IQANK1: variants seen among roughly 807,000 people sequenced by gnomAD.
IQANK1 encodes IQ motif and ankyrin repeat containing 1, also known as IQ motif and ankyrin repeat domain-containing protein 1.
A neutral mutation model predicts 22.6 loss-of-function variants in IQANK1; 30 were observed. That is an observed-to-expected ratio of 1.33 (90% CI 0.99 to 1.80). The LOEUF (loss-of-function observed/expected upper bound fraction) is 1.80. Among genes scored for constraint, IQANK1 ranks in the 40% most tolerant of loss-of-function variants. The pLI is 0.00. For synonymous variants in IQANK1, 122 were observed against 99.6 expected, an observed-to-expected ratio of 1.23 and a Z score of -1.34; for missense variants, 275 against 235.2, an observed-to-expected ratio of 1.17 and a Z score of -1.11.
At chr8:143,761,938 G>A (rs1819405027) in intron 3 of IQANK1, among the ~76,000 whole-genome samples, 1 of 151,954 alleles carries the variant, frequency 6.6e-6, no homozygotes, top group African/African-American at 2.4e-5. Flanking sequence ...AGGAGAGTGG[G>A]ATAGATATTG....
At chr8:143,778,516 A>G (rs1819733995) in intron 7 of IQANK1, among the ~76,000 whole-genome samples, 1 of 152,178 alleles carries the variant, frequency 6.6e-6, no homozygotes, top group African/African-American at 2.4e-5. Context: ...AGCAAAAACT[A>G]TGAGAACTAC....
rs190023806 is a variant in IQANK1 at position 143,751,073 on chromosome 8, C to T, written c.175+11125C>T. Reference sequence around the variant, plus strand: ...GGTTTACATTTAACACCCTAAAGTTCTAACTCTCCAATTTGAATTTATACC... The same window carrying T: ...GGTTTACATTTAACACCCTAAAGTTTTAACTCTCCAATTTGAATTTATACC... On this transcript the variant is annotated intron_variant, in intron 3 of 13. Transcript: ENST00000527139. Among the ~76,000 whole-genome samples, 13 of 152,048 alleles carry T rather than the reference C, an allele frequency of 8.5e-5. No individual in the cohort carries two copies. In the East Asian group the frequency reaches 2.5e-3, roughly 30 times the overall value.
chr8:143,769,142 AGCATTG>A (rs1819528833), intron 3 of IQANK1, among the ~76,000 whole-genome samples: 1 of 151,768 alleles, frequency 6.6e-6, no homozygotes, highest in East Asian at 1.9e-4. Context: ...GGCTCACTGC[AGCATTG>A]ACCTGGGCTC....
chr8:143,782,971 T>A (rs7828225), intron 7 of IQANK1, among the ~76,000 whole-genome samples: 6,143 of 152,292 alleles, frequency 0.04, 388 homozygotes, highest in African/African-American at 0.13. Flanking sequence ...TATCACAGGC[T>A]ATATTCGTGA....
At chr8:143,780,178 T>G (rs1427170866) in intron 7 of IQANK1, among the ~76,000 whole-genome samples, 1 of 152,192 alleles carries the variant, frequency 6.6e-6, no homozygotes, top group African/African-American at 2.4e-5. Context: ...TCCTTCTTTT[T>G]TTCAAGTTAC....
At chr8:143,734,334 T>C (rs1447976641) in intron 1 of IQANK1, 115 bp downstream of exon 1, 1 of 151,538 alleles carries the variant, frequency 6.6e-6, no homozygotes, top group Non-Finnish European at 1.5e-5. Context: ...GCCCCACACG[T>C]AGACGAGGAC....
At chr8:143,748,656 A>ATATAT (rs1282176350) in intron 3 of IQANK1, among the ~76,000 whole-genome samples, 3 of 111,120 alleles carry the variant, frequency 2.7e-5, no homozygotes, top group Admixed American at 1.1e-4. Flanking sequence ...AATATATATC[A>ATATAT]ATCATATATA....
intron 7 of IQANK1, among the ~76,000 whole-genome samples, chr8:143,786,078 G>A (rs1166903306): frequency 6.6e-6 from 1 of 152,014 alleles, no homozygotes; most frequent in East Asian, 1.9e-4. Context: ...GCCCAGGCTG[G>A]TCTTCAACTT....
At chr8:143,759,061 A>T in intron 3 of IQANK1, 1 of 257,992 alleles carries the variant, frequency 3.9e-6, no homozygotes, top group South Asian at 4.9e-5. Flanking sequence ...CCCTGGGATG[A>T]GGTCCTGCAT....
chr8:143,781,714 G>A (rs1417754886), intron 7 of IQANK1, among the ~76,000 whole-genome samples: 1 of 152,162 alleles, frequency 6.6e-6, no homozygotes, highest in Admixed American at 6.5e-5. Context: ...TTTGGTTACT[G>A]TAACCCTGTA....
At chr8:143,740,332 C>T (rs534116410) in intron 3 of IQANK1, among the ~76,000 whole-genome samples, 1 of 152,172 alleles carries the variant, frequency 6.6e-6, no homozygotes, top group African/African-American at 2.4e-5. Context: ...GGAAACGGGG[C>T]CCTGCGCGTC....
At chr8:143,738,788 G>A (rs943931687) in intron 2 of IQANK1, among the ~76,000 whole-genome samples, 8 of 152,298 alleles carry the variant, frequency 5.3e-5, no homozygotes, top group Non-Finnish European at 1.2e-4. Context: ...CATCCTGGTC[G>A]CACTGACCCT....
At chr8:143,755,046 T>TA (rs1257287550) in intron 3 of IQANK1, among the ~76,000 whole-genome samples, 3 of 152,158 alleles carry the variant, frequency 2.0e-5, no homozygotes, top group African/African-American at 7.2e-5. Flanking sequence ...GGGAAGGAAT[T>TA]ACACAAGGCA....
intron 3 of IQANK1, chr8:143,745,672 A>C (rs1554627136): frequency 6.6e-6 from 1 of 151,944 alleles, no homozygotes; most frequent in Admixed American, 6.5e-5. Context: ...ATCTGCCCTC[A>C]GCCTCCCAAA....
intron 3 of IQANK1, among the ~76,000 whole-genome samples, chr8:143,751,678 A>ATATATATATATAT (rs1554628061): frequency 6.5e-5 from 9 of 139,086 alleles, no homozygotes; most frequent in Non-Finnish European, 9.4e-5. Flanking sequence ...ATATATATAT[A>ATATATATATATAT]AAATCCTATA....
At chr8:143,779,173 TA>T (rs1322636494) in intron 7 of IQANK1, among the ~76,000 whole-genome samples, 1 of 152,256 alleles carries the variant, frequency 6.6e-6, no homozygotes, top group Non-Finnish European at 1.5e-5. Context: ...ATCCACTCAT[TA>T]ATGTGCCCAT....
chr8:143,739,920 G>A lies in IQANK1; in HGVS notation c.147G>A (p.Ala49=). 1.4e-6 allele frequency: 1 copy of A among 699,764 alleles called. No homozygotes were observed. The highest frequency in any genetic ancestry group is 1.5e-5 in the South Asian group (1 of 67,122). 43.3% of individuals were successfully genotyped at this position (699,764 alleles called of 1,614,324 possible). A position where few individuals can be genotyped will look rare whatever the true frequency, so the allele number is the denominator to read the frequency against. ...RKAGWQAREP[A]SAESPQAPTG... is the part of the protein sequence containing the mutation. ...CGGGCTGGCAGGCGAGGGAGCCCGC[G>A]TCGGCTGAGAGCCCACAGGCCCCCA... The change falls in exon 3 of 14, where the codon GCG becomes GCA. Residue 49 remains alanine, a synonymous_variant. Coordinates refer to ENST00000527139, the MANE Select transcript of IQANK1 (RefSeq NM_001381874.1).
rs545231525 is a variant in IQANK1 at position 143,785,670 on chromosome 8, C to T, written c.790-3245C>T. ...GACCCCCTGGGTTCAAATGATCCTC[C>T]TGCCCCAGCTTCCCAAGTAGCTAAG... On this transcript the variant is annotated intron_variant, in intron 7 of 13. Transcript: ENST00000527139. Among the ~76,000 whole-genome samples the T allele has an allele frequency of 5.9e-5, 9 of 151,972 alleles. No individual in the cohort carries two copies. The East Asian group carries it at 1.7e-3, about 29-fold the overall frequency.
intron 3 of IQANK1, among the ~76,000 whole-genome samples, chr8:143,753,601 C>T (rs782221955): frequency 9.2e-5 from 14 of 151,690 alleles, no homozygotes; most frequent in Non-Finnish European, 1.6e-4. Context: ...TTACAGGTAC[C>T]CTCCACCATA....
Sources: gnomAD v4.1 joint callset for allele counts (sites outside exome capture counted in the v4.1 genomes callset) on GRCh38, gnomAD v4.1.1 for gene constraint, MANE v1.5 for transcripts, NCBI Gene and HGNC (gene_info 2026-07-23, HGNC 2026-07-21) for gene names.